RAB6B: variants seen among roughly 807,000 people sequenced by gnomAD.
RAB6B encodes RAB6B, member RAS oncogene family, also known as ras-related protein Rab-6B.
In RAB6B, 7 loss-of-function variants were observed where a neutral mutation model predicts 31.2. The observed-to-expected ratio is 0.22, with a 90% CI of 0.13 to 0.42. The LOEUF (loss-of-function observed/expected upper bound fraction) is 0.42, where lower values mean the gene tolerates loss of function less well. RAB6B is among the 10% of genes least tolerant of loss of function. The pLI is 1.00. For missense variants in RAB6B, 149 were observed against 280.6 expected (o/e 0.53, Z 3.35); for synonymous variants, 105 against 104.9 (o/e 1.00, Z -0.01).
chr3:133,891,046 T>G (rs540193761), intron 1 of RAB6B, among the ~76,000 whole-genome samples: 1 of 152,070 alleles, frequency 6.6e-6, no homozygotes, highest in Non-Finnish European at 1.5e-5. Flanking sequence ...GGAAACTTGC[T>G]AGGAGGGGCT....
intron 1 of RAB6B, among the ~76,000 whole-genome samples, chr3:133,892,003 C>T (rs527971091): frequency 1.3e-5 from 2 of 152,282 alleles, no homozygotes; most frequent in African/African-American, 4.8e-5. Context: ...CCCTTCCCAC[C>T]ACACACACTG....
In RAB6B at chr3:133,873,365, G is replaced by A. The variant is rs1576406603; in HGVS notation, c.71-8723C>T. On this transcript the variant is annotated intron_variant, in intron 1 of 7. Transcript: ENST00000285208. ...GACTGGCTGGAGACTGGAAGATTTA[G>A]TCTCAGTTTTCCTTCCTATACCAAC... Among the ~76,000 whole-genome samples the A allele has an allele frequency of 5.9e-5, 9 of 152,278 alleles. No homozygotes were observed. The South Asian group carries it at 1.9e-3, about 32-fold the overall frequency.
chr3:133,862,411 C>T (rs1309395844), intron 2 of RAB6B, among the ~76,000 whole-genome samples: 2 of 152,204 alleles, frequency 1.3e-5, no homozygotes, highest in African/African-American at 4.8e-5. Flanking sequence ...CACACAGGAG[C>T]TACTGCACAG....
At chr3:133,883,657 A>G (rs1425288072) in intron 1 of RAB6B, among the ~76,000 whole-genome samples, 3 of 152,212 alleles carry the variant, frequency 2.0e-5, no homozygotes, top group Non-Finnish European at 4.4e-5. Flanking sequence ...CAGGGGAAAG[A>G]AACAAGAAAT....
At chr3:133,853,341 G>A (rs554153169) in intron 2 of RAB6B, among the ~76,000 whole-genome samples, 1 of 152,244 alleles carries the variant, frequency 6.6e-6, no homozygotes, top group East Asian at 1.9e-4. Context: ...GAGTGTGGGG[G>A]TAGGGAGGGA....
At chr3:133,833,451 C>T (rs565634083) in intron 7 of RAB6B, among the ~76,000 whole-genome samples, 4 of 152,042 alleles carry the variant, frequency 2.6e-5, no homozygotes, top group Admixed American at 1.3e-4. Flanking sequence ...GGGTGGGTCT[C>T]GAGTCTGCTC....
In RAB6B at chr3:133,895,650, G is replaced by T; in HGVS notation, c.-184C>A. 1 of 490,230 alleles carries T rather than the reference G, an allele frequency of 2.0e-6. No homozygotes were observed. Among genetic ancestry groups the T allele is most frequent in the Non-Finnish European group, 3.6e-6 (1 of 276,068 alleles). The allele number at this position is 490,230 out of a possible 1,614,324, so 30.4% of individuals were successfully genotyped here. ...GGCCTGCGGCTGCGTGTCCGGCGGC[G>T]GAGGAGGAGGAGGAGAGAGAGGCGG... On this transcript the variant is annotated 5_prime_UTR_variant, in exon 1 of 8. Coordinates refer to ENST00000285208, the MANE Select transcript of RAB6B (RefSeq NM_016577.4).
intron 2 of RAB6B, among the ~76,000 whole-genome samples, chr3:133,862,712 G>A (rs1936181474): frequency 6.6e-6 from 1 of 152,106 alleles, no homozygotes; most frequent in Admixed American, 6.5e-5. Flanking sequence ...GCTGAACATG[G>A]AGGTAGGGCG....
chr3:133,853,275 A>G (rs1194735701), intron 2 of RAB6B, among the ~76,000 whole-genome samples: 1 of 152,076 alleles, frequency 6.6e-6, no homozygotes, highest in Non-Finnish European at 1.5e-5. Context: ...GGGGATACAC[A>G]TGTGTATGTA....
Position 133,830,660 on chromosome 3 carries a change from C to T in RAB6B, c.563-1808G>A, listed in dbSNP as rs117036120. On this transcript the variant is annotated intron_variant, in intron 7 of 7. Coordinates refer to ENST00000285208, the MANE Select transcript of RAB6B (RefSeq NM_016577.4). ...GCTACCTCACTTCCACATTAGACCT[C>T]GTGCAGTGGGGAGTAAAAGAGCCAC... Among the ~76,000 whole-genome samples the T allele has an allele frequency of 6.6e-4, 101 of 152,256 alleles. 1 individual carries two copies. In the East Asian group the frequency reaches 0.019, roughly 29 times the overall value.
chr3:133,855,400 G>A (rs1437113379), intron 2 of RAB6B, among the ~76,000 whole-genome samples: 3 of 152,242 alleles, frequency 2.0e-5, no homozygotes, highest in African/African-American at 7.2e-5. Flanking sequence ...TTCTCCCAAT[G>A]GAGAGTGGCT....
chr3:133,834,328 A>C (rs1007530334), intron 7 of RAB6B, among the ~76,000 whole-genome samples: 5 of 151,986 alleles, frequency 3.3e-5, no homozygotes, highest in Non-Finnish European at 5.9e-5. Flanking sequence ...CCACAGCATC[A>C]CTCTGTGCAC....
intron 6 of RAB6B, among the ~76,000 whole-genome samples, chr3:133,836,327 G>C (rs1935734080): frequency 6.6e-6 from 1 of 152,176 alleles, no homozygotes; most frequent in Non-Finnish European, 1.5e-5. Context: ...TGATCTGCCT[G>C]TCTGGCTCTC....
intron 1 of RAB6B, among the ~76,000 whole-genome samples, chr3:133,893,355 G>C (rs1038980630): frequency 3.3e-5 from 5 of 152,230 alleles, no homozygotes; most frequent in African/African-American, 1.2e-4. Flanking sequence ...CTCCAGGCAA[G>C]GCCTCCCTGT....
chr3:133,881,122 C>A (rs1483319697), intron 1 of RAB6B, among the ~76,000 whole-genome samples: 2 of 152,208 alleles, frequency 1.3e-5, no homozygotes, highest in African/African-American at 4.8e-5. Flanking sequence ...GTCCACATAT[C>A]CCCCACTGGA....
chr3:133,877,930 T>C (rs1464617826), intron 1 of RAB6B, among the ~76,000 whole-genome samples: 1 of 151,814 alleles, frequency 6.6e-6, no homozygotes, highest in Non-Finnish European at 1.5e-5. Flanking sequence ...GCTGACATGA[T>C]TAAACAGATT....
At chr3:133,864,206 A>C (rs1936203585) in intron 2 of RAB6B, among the ~76,000 whole-genome samples, 1 of 151,442 alleles carries the variant, frequency 6.6e-6, no homozygotes, top group African/African-American at 2.4e-5. Context: ...CCCAGCAAAC[A>C]TAACCATTAC....
At chr3:133,841,040 A>C (rs1010017386) in intron 4 of RAB6B, among the ~76,000 whole-genome samples, 124 of 152,320 alleles carry the variant, frequency 8.1e-4, no homozygotes, top group Non-Finnish European at 3.4e-4. Context: ...CACTCCGAGC[A>C]GGACCAACCT....
chr3:133,882,221 T>C (rs1237247943), intron 1 of RAB6B, among the ~76,000 whole-genome samples: 1 of 152,182 alleles, frequency 6.6e-6, no homozygotes, highest in Non-Finnish European at 1.5e-5. Context: ...GCTTACTTCT[T>C]CAAGGCCAGC....
Sources: gnomAD v4.1 joint callset for allele counts (sites outside exome capture counted in the v4.1 genomes callset) on GRCh38, gnomAD v4.1.1 for gene constraint, MANE v1.5 for transcripts, NCBI Gene and HGNC (gene_info 2026-07-23, HGNC 2026-07-21) for gene names.